Variants in NOL7 observed in about 807,000 individuals in gnomAD.
The protein encoded by NOL7 is nucleolar protein 7.
NOL7 carries 36 observed loss-of-function variants against 38.4 expected under a neutral mutation model. The ratio of observed to expected loss-of-function variants is 0.94; its 90% confidence interval spans 0.72 to 1.24. The LOEUF (loss-of-function observed/expected upper bound fraction) is 1.24, where lower values mean the gene tolerates loss of function less well. Ranked by LOEUF, NOL7 falls within the 50% of genes most tolerant of loss-of-function variation. The pLI is 0.00. For synonymous variants in NOL7, 142 were observed against 126.5 expected, an observed-to-expected ratio of 1.12 and a Z score of -0.82; for missense variants, 350 against 315.1, an observed-to-expected ratio of 1.11 and a Z score of -0.84.
chr6:13,631,363 C>A (rs1042197353), intron 8 of NOL7, among the ~76,000 whole-genome samples: 2 of 152,198 alleles, frequency 1.3e-5, no homozygotes, highest in African/African-American at 4.8e-5. Flanking sequence ...ATGTCCTACA[C>A]TTGTGCTATG....
intron 7 of NOL7, 43 bp downstream of exon 7, chr6:13,620,528 G>A: frequency 6.6e-7 from 1 of 1,524,582 alleles, no homozygotes. Context: ...AGCTTTATAT[G>A]TTGAATAATG....
In NOL7 at chr6:13,619,216, T is replaced by C. The variant is rs142971710; in HGVS notation, c.501-992T>C. The stretch of plus-strand genomic sequence containing the variant: ...GGTTGTTCACCACTATTGCCAGTCA[T>C]GGCAATTCTTCAAAAGGAGTCATTT... On this transcript the variant is annotated intron_variant, in intron 5 of 7. Transcript: ENST00000451315. Among the ~76,000 whole-genome samples, 858 of 152,362 alleles carry C rather than the reference T, an allele frequency of 5.6e-3. 10 individuals are homozygous for C. The highest frequency in any genetic ancestry group is 0.019 in the African/African-American group (795 of 41,596).
downstream of NOL7, among the ~76,000 whole-genome samples, chr6:13,623,698 G>A (rs76381138): frequency 1.9e-3 from 286 of 152,182 alleles, no homozygotes; most frequent in Non-Finnish European, 3.1e-3. Context: ...TATATAGATG[G>A]ACCTACATAA....
rs373063008 is a variant in NOL7 at position 13,619,837 on chromosome 6, T to G, written c.501-371T>G. On this transcript the variant is annotated intron_variant, in intron 5 of 7. Transcript: ENST00000451315. The stretch of plus-strand genomic sequence containing the variant: ...ATAAAATTAGTTTCATTTATCACTA[T>G]GAGACAAATGATAAAAATATTTTAA... Among the ~76,000 whole-genome samples, 8 of 152,344 alleles carry G rather than the reference T, an allele frequency of 5.3e-5. No homozygotes were observed. In the East Asian group the frequency reaches 9.7e-4, roughly 18 times the overall value.
chr6:13,620,529 T>A, intron 7 of NOL7, 44 bp downstream of exon 7: 3 of 1,526,788 alleles, frequency 2.0e-6, no homozygotes, highest in Non-Finnish European at 2.7e-6. Context: ...GCTTTATATG[T>A]TGAATAATGT....
chr6:13,626,345 A>G (rs770130718), downstream of NOL7, among the ~76,000 whole-genome samples: 20 of 152,156 alleles, frequency 1.3e-4, no homozygotes, highest in South Asian at 1.5e-3. Context: ...CAACTACTTT[A>G]TATTTTTTGT....
chr6:13,626,751 A>T (rs1207987466), intron 8 of NOL7, among the ~76,000 whole-genome samples: 3 of 152,188 alleles, frequency 2.0e-5, no homozygotes, highest in Non-Finnish European at 4.4e-5. Context: ...GACTACTGAA[A>T]TTCCTAAAGA....
At chr6:13,632,297 G>T in intron 8 of NOL7, 1 of 1,480,582 alleles carries the variant, frequency 6.8e-7, no homozygotes, top group Non-Finnish European at 9.2e-7. Flanking sequence ...CTGGTACACT[G>T]CTCAGTGTTT....
chr6:13,615,683 C>G, intron 1 of NOL7, 29 bp from the exon 2 acceptor site: 2 of 1,614,198 alleles, frequency 1.2e-6, no homozygotes, highest in East Asian at 4.5e-5. Flanking sequence ...TTGTCCTTCC[C>G]TTTGCTGACT....
At chr6:13,625,857 A>G (rs1039503076), downstream of NOL7, 1 of 845,282 alleles carries the variant, frequency 1.2e-6, no homozygotes, top group Non-Finnish European at 2.0e-6. Flanking sequence ...TATGGCTTCC[A>G]GGCACAGACT....
chr6:13,627,210 G>A (rs1210968186), intron 8 of NOL7, among the ~76,000 whole-genome samples: 1 of 152,170 alleles, frequency 6.6e-6, no homozygotes, highest in African/African-American at 2.4e-5. Flanking sequence ...CAGCAATGAA[G>A]ATGTTTTATG....
At chr6:13,624,959 T>C (rs1764560127), downstream of NOL7, among the ~76,000 whole-genome samples, 1 of 152,208 alleles carries the variant, frequency 6.6e-6, no homozygotes, top group Non-Finnish European at 1.5e-5. Flanking sequence ...AGGCTGCTGC[T>C]ACCCATTGCA....
rs1005231338 is a variant in NOL7, at chr6:13,615,403, G to A, written c.45G>A (p.Ala15=). The change falls in exon 1 of 8, where the codon GCG becomes GCA. Residue 15 remains alanine, a synonymous_variant. Transcript: ENST00000451315. The part of the protein sequence containing the change: ...RPRASRAPAS[A]EAMVDEGQLA... ...GAGCGTCTCGCGCCCCGGCGTCGGC[G>A]GAGGCGATGGTGGACGAGGGCCAGC... is the stretch of plus-strand genomic sequence containing the variant. The A allele has an allele frequency of 1.3e-6, 2 of 1,538,006 alleles. No individual in the cohort carries two copies. The highest frequency in any genetic ancestry group is 1.2e-5 in the South Asian group (1 of 82,616).
intron 5 of NOL7, among the ~76,000 whole-genome samples, chr6:13,618,449 T>G (rs942745161): frequency 7.3e-5 from 11 of 151,572 alleles, no homozygotes; most frequent in African/African-American, 1.9e-4. Flanking sequence ...GGGTTTCACC[T>G]TGTTAGCCAG....
chr6:13,632,414 T>A (rs1418360441), exon 9 of NOL7: 1 of 1,613,960 alleles, frequency 6.2e-7, no homozygotes, highest in Non-Finnish European at 8.5e-7. Flanking sequence ...CAGTCTCTCC[T>A]TAGCTGTTCA....
intron 8 of NOL7, among the ~76,000 whole-genome samples, chr6:13,629,803 A>C (rs888594892): frequency 1.3e-5 from 2 of 152,166 alleles, no homozygotes; most frequent in African/African-American, 4.8e-5. Context: ...GAAGACTTTG[A>C]AAAAACTAAA....
At chr6:13,622,516 G>C (rs1764480134), downstream of NOL7, 1 of 1,542,590 alleles carries the variant, frequency 6.5e-7, no homozygotes, top group Non-Finnish European at 8.7e-7. Flanking sequence ...ATTTAAAAAT[G>C]AGAACAGCAA....
In NOL7 at chr6:13,618,107, GAAAGTT is replaced by G; in HGVS notation, c.474_479del (p.Lys159_Val160del). The G allele has an allele frequency of 6.3e-7, 1 of 1,592,278 alleles. No individual in the cohort carries two copies. The highest frequency in any genetic ancestry group is 8.6e-7 in the Non-Finnish European group (1 of 1,161,954). On this transcript the variant is annotated inframe_deletion, in exon 5 of 8. Coordinates refer to ENST00000451315, the MANE Select transcript of NOL7 (RefSeq NM_016167.5). ...ACTGTGAAAAAGGAAATGACTCCAA[GAAAGTT>G]AAAGTACAAAAAGTACAGTCTGTCA...
intron 5 of NOL7, among the ~76,000 whole-genome samples, chr6:13,619,306 TCA>T (rs1413442464): frequency 6.6e-6 from 1 of 152,242 alleles, no homozygotes; most frequent in East Asian, 1.9e-4. Context: ...TCTACAGAAG[TCA>T]CAGAGAAAGT....
Sources: gnomAD v4.1 joint callset for allele counts (sites outside exome capture counted in the v4.1 genomes callset) on GRCh38, gnomAD v4.1.1 for gene constraint, MANE v1.5 for transcripts, NCBI Gene and HGNC (gene_info 2026-07-23, HGNC 2026-07-21) for gene names.